SYNPO2: variants seen among roughly 807,000 people sequenced by gnomAD.
SYNPO2 encodes synaptopodin 2, also known as synaptopodin-2.
A neutral mutation model predicts 85.0 loss-of-function variants in SYNPO2; 56 were observed. The observed-to-expected ratio is 0.66, with a 90% CI of 0.53 to 0.82. The LOEUF (loss-of-function observed/expected upper bound fraction) is 0.82, where lower values mean the gene tolerates loss of function less well. Among genes scored for constraint, SYNPO2 ranks in the 40% least tolerant of loss-of-function variants. The probability of loss-of-function intolerance (pLI) is 0.00; values close to 1 mark genes in which losing one functional copy is unlikely to be tolerated. For synonymous variants in SYNPO2, 602 were observed against 591.1 expected, an observed-to-expected ratio of 1.02 and a Z score of -0.27; for missense variants, 1,575 against 1,534.2, an observed-to-expected ratio of 1.03 and a Z score of -0.44.
intron 1 of SYNPO2, among the ~76,000 whole-genome samples, chr4:118,902,750 A>G (rs558583014): frequency 6.6e-6 from 1 of 152,308 alleles, no homozygotes; most frequent in South Asian, 2.1e-4. Flanking sequence ...GAGAAGAGGA[A>G]TTTAAGGAGT....
intron 1 of SYNPO2, among the ~76,000 whole-genome samples, chr4:118,954,995 ATTTTT>A (rs143188478): frequency 6.1e-5 from 8 of 131,018 alleles, no homozygotes; most frequent in Admixed American, 1.6e-4. Context: ...ATTCTGTGCA[ATTTTT>A]TTTTTTTTTT....
chr4:118,993,927 T>C (rs1416298956), intron 1 of SYNPO2, among the ~76,000 whole-genome samples: 1 of 152,208 alleles, frequency 6.6e-6, no homozygotes, highest in East Asian at 1.9e-4. Flanking sequence ...TGCCTAGTCT[T>C]ACCTAGCAAG....
At chr4:118,858,489 G>A (rs1010968649) in intron 1 of SYNPO2, among the ~76,000 whole-genome samples, 6 of 151,984 alleles carry the variant, frequency 3.9e-5, no homozygotes, top group South Asian at 2.1e-4. Flanking sequence ...TAGCCTTCCC[G>A]TGTCTAAGCT....
chr4:119,057,461 C>T lies in SYNPO2; in HGVS notation c.3313C>T (p.Pro1105Ser). The T allele has an allele frequency of 1.2e-6, 2 of 1,613,968 alleles. No individual in the cohort carries two copies. The highest frequency in any genetic ancestry group is 1.7e-6 in the Non-Finnish European group (2 of 1,179,986). The change falls in exon 5 of 5, where the codon CCT (proline) becomes TCT (serine). Residue 1105 changes from proline (P) to serine (S), a missense_variant. Transcript: ENST00000307142. Reference sequence around the variant, plus strand: ...AGTCCCACCCCCCATTTCTACATCTCCTTGGGTATACCAGCCTACTTATAG... The same window carrying T: ...AGTCCCACCCCCCATTTCTACATCTTCTTGGGTATACCAGCCTACTTATAG... ...RSVPPPISTS[P>S]WVYQPTYSYS... is the part of the protein sequence containing the mutation.
intron 1 of SYNPO2, among the ~76,000 whole-genome samples, chr4:118,934,606 A>T (rs1036613996): frequency 6.6e-6 from 1 of 152,208 alleles, no homozygotes; most frequent in African/African-American, 2.4e-5. Flanking sequence ...AGTGAACTAC[A>T]CAAGTCATCA....
At chr4:118,946,509 G>A (rs1434682656) in intron 1 of SYNPO2, among the ~76,000 whole-genome samples, 1 of 138,498 alleles carries the variant, frequency 7.2e-6, no homozygotes, top group African/African-American at 2.5e-5. Flanking sequence ...AACAACTCTT[G>A]AAGGATTCCA....
upstream of SYNPO2, among the ~76,000 whole-genome samples, chr4:118,884,677 C>A (rs1371739503): frequency 6.6e-6 from 1 of 152,128 alleles, no homozygotes; most frequent in Non-Finnish European, 1.5e-5. Context: ...TTCAAATGTT[C>A]CAAGTCTAAT....
intron 1 of SYNPO2, among the ~76,000 whole-genome samples, chr4:118,976,737 C>G (rs1374125284): frequency 2.0e-5 from 3 of 152,188 alleles, no homozygotes; most frequent in African/African-American, 7.2e-5. Context: ...GAGCTAAACA[C>G]AGGGTGCTGA....
intron 1 of SYNPO2, among the ~76,000 whole-genome samples, chr4:118,945,626 C>T (rs746848890): frequency 6.6e-6 from 1 of 152,222 alleles, no homozygotes; most frequent in African/African-American, 2.4e-5. Context: ...CATAACACAA[C>T]ATACCTACCT....
In SYNPO2 at chr4:118,888,869, A is replaced by G. The variant is rs1334553533; in HGVS notation, c.-168A>G. ...CCCATTAGCCGCACAAATTCGCAGC[A>G]GGCGGCTGGGGCGGCGGCTGGGGCA... On this transcript the variant is annotated 5_prime_UTR_variant, in exon 1 of 5. Coordinates refer to ENST00000307142, the MANE Select transcript of SYNPO2 (RefSeq NM_133477.3). 6 of 669,432 alleles carry G rather than the reference A, an allele frequency of 9.0e-6. No individual in the cohort carries two copies. Among genetic ancestry groups the G allele is most frequent in the African/African-American group, 1.8e-5 (1 of 54,784 alleles). The allele number at this position is 669,432 out of a possible 1,614,324, so 41.5% of individuals were successfully genotyped here.
At chr4:118,879,325 G>A (rs979643873) in intron 1 of SYNPO2, among the ~76,000 whole-genome samples, 3 of 152,140 alleles carry the variant, frequency 2.0e-5, no homozygotes, top group African/African-American at 7.2e-5. Context: ...TTTTCCCTAG[G>A]CTCTGGGGAA....
chr4:118,927,697 G>GAGAT (rs70944821), intron 1 of SYNPO2, among the ~76,000 whole-genome samples: 10,191 of 124,994 alleles, frequency 0.082, 611 homozygotes, highest in East Asian at 0.12. Context: ...ATTAAACAAT[G>GAGAT]AGATAGATAG....
intron 1 of SYNPO2, among the ~76,000 whole-genome samples, chr4:118,917,346 G>A (rs752425334): frequency 2.6e-5 from 4 of 152,046 alleles, no homozygotes; most frequent in Non-Finnish European, 5.9e-5. Context: ...AGCCAAGATC[G>A]CACCATTGGA....
intron 1 of SYNPO2, among the ~76,000 whole-genome samples, chr4:119,012,698 T>C (rs1737369371): frequency 6.6e-6 from 1 of 152,222 alleles, no homozygotes; most frequent in South Asian, 2.1e-4. Flanking sequence ...GTTTCCAGCT[T>C]CATCCACGTC....
rs753323450 is a variant in SYNPO2 at position 119,031,967 on chromosome 4, A to T, written c.3192A>T (p.Ser1064=). 7 of 1,614,088 alleles carry T rather than the reference A, an allele frequency of 4.3e-6. No homozygotes were observed. In the African/African-American group the frequency reaches 5.3e-5, roughly 12 times the overall value. Residue 1064 remains serine, a synonymous_variant, in exon 4 of 5, where the codon TCA becomes TCT. Transcript: ENST00000307142. ...PTSPKQESAS[S]SYFVAPRPKF... is the part of the protein sequence containing the mutation. ...CGCCAAAGCAAGAATCAGCCTCATC[A>T]TCTTATTTTGTGGCACCAAGGCCAA...
chr4:118,929,822 G>A (rs1031724342), intron 1 of SYNPO2, among the ~76,000 whole-genome samples: 1 of 151,922 alleles, frequency 6.6e-6, no homozygotes, highest in Non-Finnish European at 1.5e-5. Flanking sequence ...TTCAATCAAC[G>A]GATTTATCGT....
chr4:118,955,293 A>G (rs1165403505), intron 1 of SYNPO2, among the ~76,000 whole-genome samples: 1 of 152,092 alleles, frequency 6.6e-6, no homozygotes, highest in Non-Finnish European at 1.5e-5. Context: ...AGCCGGATTC[A>G]GATTCCATGC....
upstream of SYNPO2, among the ~76,000 whole-genome samples, chr4:118,888,578 A>G (rs1427083631): frequency 6.6e-6 from 1 of 152,186 alleles, no homozygotes; most frequent in Non-Finnish European, 1.5e-5. Context: ...TTAAACCTTC[A>G]TGTGTCCTTT....
At chr4:119,024,169 C>A (rs549164293) in intron 2 of SYNPO2, among the ~76,000 whole-genome samples, 1 of 152,228 alleles carries the variant, frequency 6.6e-6, no homozygotes, top group South Asian at 2.1e-4. Context: ...CCACCATCCC[C>A]ACATAGTTGT....
Sources: gnomAD v4.1 joint callset for allele counts (sites outside exome capture counted in the v4.1 genomes callset) on GRCh38, gnomAD v4.1.1 for gene constraint, MANE v1.5 for transcripts, NCBI Gene and HGNC (gene_info 2026-07-23, HGNC 2026-07-21) for gene names.